The following CDC123 variants were observed in gnomAD, a reference collection of about 807,000 sequenced individuals.
CDC123 encodes cell division cycle 123.
Under a neutral mutation model 54.4 loss-of-function variants are expected in CDC123, and 37 were observed. The ratio of observed to expected loss-of-function variants is 0.68; its 90% confidence interval spans 0.52 to 0.89. The LOEUF is 0.89. Among genes scored for constraint, CDC123 ranks in the 40% least tolerant of loss-of-function variants. The pLI is 0.00. For synonymous variants in CDC123, 144 were observed against 136.8 expected (o/e 1.05, Z -0.37); for missense variants, 361 against 412.1 (o/e 0.88, Z 1.07).
At chr10:12,250,074 T>G in intron 12 of CDC123, 1 of 478,560 alleles carries the variant, frequency 2.1e-6, no homozygotes, top group African/African-American at 2.0e-5. Context: ...TATTTTTGTG[T>G]GGATTTCTGT....
intron 4 of CDC123, 58 bp downstream of exon 4, chr10:12,210,380 C>T (rs1042848622): frequency 1.3e-5 from 21 of 1,602,592 alleles, no homozygotes; most frequent in Admixed American, 1.2e-4. Flanking sequence ...CAAGGGTTAG[C>T]GTCAAGGTTT....
intron 6 of CDC123, among the ~76,000 whole-genome samples, chr10:12,226,052 A>G (rs1354812310): frequency 2.6e-5 from 4 of 152,106 alleles, no homozygotes; most frequent in African/African-American, 7.2e-5. Context: ...GACACAGCAC[A>G]TGTTTCAGAG....
rs746641840 is a variant in CDC123, at chr10:12,250,442, G to A, written c.*105G>A. The A allele has an allele frequency of 8.3e-6, 7 of 842,838 alleles. No homozygotes were observed. The highest frequency in any genetic ancestry group is 1.8e-5 in the Admixed American group (1 of 56,474). The allele number at this position is 842,838 out of a possible 1,614,324, so 52.2% of individuals were successfully genotyped here. On this transcript the variant is annotated 3_prime_UTR_variant, in exon 13 of 13. Coordinates refer to ENST00000281141, the MANE Select transcript of CDC123 (RefSeq NM_006023.3). ...CCCTGATGCGGGTGGGCCGAGCAGT[G>A]TGGACATCAGCCACTTTTTATATTC...
chr10:12,244,634 TTTTTTTC>T (rs1836104864), intron 10 of CDC123: 1 of 139,640 alleles, frequency 7.2e-6, no homozygotes, highest in Admixed American at 8.3e-5. Flanking sequence ...GGTGGTTTTT[TTTTTTTC>T]TTTTTTCTTT....
intron 2 of CDC123, among the ~76,000 whole-genome samples, chr10:12,204,092 C>CA (rs748765566): frequency 0.012 from 1,609 of 131,136 alleles, 35 homozygotes; most frequent in African/African-American, 0.032. Context: ...GACCTTGTCT[C>CA]AAAAAAAAAA....
At chr10:12,230,802 G>A in intron 6 of CDC123, 146 bp from the exon 7 acceptor site, 2 of 720,082 alleles carry the variant, frequency 2.8e-6, no homozygotes, top group Non-Finnish European at 4.8e-6. Flanking sequence ...ATACGGCTCA[G>A]TAAGTGTTCG....
At chr10:12,242,696 C>T (rs537396910) in intron 10 of CDC123, among the ~76,000 whole-genome samples, 2 of 152,086 alleles carry the variant, frequency 1.3e-5, no homozygotes, top group Non-Finnish European at 2.9e-5. Context: ...AATCTCAGCA[C>T]TTTAGGAGGC....
chr10:12,196,504 G>A (rs1564430320), intron 1 of CDC123, among the ~76,000 whole-genome samples, 185 bp downstream of exon 1: 2 of 152,194 alleles, frequency 1.3e-5, no homozygotes, highest in Admixed American at 6.5e-5. Flanking sequence ...CTGGCTAGGA[G>A]GGTCAGTTGT....
chr10:12,218,252 T>C (rs1162111674), intron 6 of CDC123, among the ~76,000 whole-genome samples: 3 of 146,556 alleles, frequency 2.0e-5, no homozygotes, highest in South Asian at 2.2e-4. Flanking sequence ...TTTTTCTTTT[T>C]TTTTTTTTTT....
intron 6 of CDC123, among the ~76,000 whole-genome samples, chr10:12,227,605 C>G (rs999999140): frequency 6.6e-6 from 1 of 151,780 alleles, no homozygotes; most frequent in Non-Finnish European, 1.5e-5. Flanking sequence ...TCAAGGGATT[C>G]TCGTGCCTCA....
At chr10:12,217,996 G>GCC (rs1835684070) in intron 6 of CDC123, among the ~76,000 whole-genome samples, 1 of 152,104 alleles carries the variant, frequency 6.6e-6, no homozygotes, top group Admixed American at 6.5e-5. Flanking sequence ...GGCTGAGGCA[G>GCC]GAGAATGGCT....
intron 4 of CDC123, among the ~76,000 whole-genome samples, chr10:12,212,546 C>G (rs1216207419): frequency 6.6e-6 from 1 of 152,196 alleles, no homozygotes; most frequent in African/African-American, 2.4e-5. Context: ...CTGTGTTGCC[C>G]AGGCTGCACT....
At chr10:12,208,753 C>G (rs560672845) in intron 2 of CDC123, among the ~76,000 whole-genome samples, 87 of 152,304 alleles carry the variant, frequency 5.7e-4, no homozygotes, top group African/African-American at 2.0e-3. Context: ...GGCAGACTTA[C>G]AGCTTATCTG....
chr10:12,209,908 T>G, intron 2 of CDC123, 59 bp from the exon 3 acceptor site: 1 of 1,528,748 alleles, frequency 6.5e-7, no homozygotes. Context: ...ACCCCTGAAA[T>G]TAGGAGCATG....
chr10:12,216,185 G>C (rs2131740907), intron 5 of CDC123, among the ~76,000 whole-genome samples: 1 of 152,266 alleles, frequency 6.6e-6, no homozygotes, highest in South Asian at 2.1e-4. Flanking sequence ...AAAAGTAATA[G>C]TGTCATAGGC....
At chr10:12,248,596 G>A (rs1178160257) in intron 11 of CDC123, among the ~76,000 whole-genome samples, 1 of 148,572 alleles carries the variant, frequency 6.7e-6, no homozygotes, top group Non-Finnish European at 1.5e-5. Flanking sequence ...ACCTGAGGTT[G>A]GGAGTTCGAG....
In CDC123 at chr10:12,217,455, A is replaced by C. The variant is rs762379641; in HGVS notation, c.428A>C (p.Asp143Ala). The C allele has an allele frequency of 1.6e-5, 26 of 1,613,722 alleles. No homozygotes were observed. Among genetic ancestry groups the C allele is most frequent in the Middle Eastern group, 1.6e-4 (1 of 6,082 alleles). The change falls in exon 6 of 13, where the codon GAC (aspartate) becomes GCC (alanine). Residue 143 changes from aspartate to alanine, a missense_variant. Coordinates refer to ENST00000281141, the MANE Select transcript of CDC123 (RefSeq NM_006023.3). ...LFKSSDFITR[D>A]FTQPFIHCTD... ...AAGAGTTCCGATTTCATCACTCGTG[A>C]CTTCACTCAGCCGTAAGTATCTCTT...
At chr10:12,220,060 T>G (rs1336297092) in intron 6 of CDC123, among the ~76,000 whole-genome samples, 1 of 152,196 alleles carries the variant, frequency 6.6e-6, no homozygotes, top group Non-Finnish European at 1.5e-5. Flanking sequence ...CTTGAACTCC[T>G]GATCTCGTGA....
At chr10:12,230,758 A>AT (rs1192013130) in intron 6 of CDC123, among the ~76,000 whole-genome samples, 190 bp from the exon 7 acceptor site, 1 of 152,226 alleles carries the variant, frequency 6.6e-6, no homozygotes, top group African/African-American at 2.4e-5. Flanking sequence ...ATGAGTTCAT[A>AT]TCTCAGGCTG....
Sources: gnomAD v4.1 joint callset for allele counts (sites outside exome capture counted in the v4.1 genomes callset) on GRCh38, gnomAD v4.1.1 for gene constraint, MANE v1.5 for transcripts, NCBI Gene and HGNC (gene_info 2026-07-23, HGNC 2026-07-21) for gene names.